Variants in AKAP12 observed in about 807,000 individuals in gnomAD.
The protein encoded by AKAP12 is A-kinase anchor protein 12.
A neutral mutation model predicts 79.9 loss-of-function variants in AKAP12; 32 were observed. The ratio of observed to expected loss-of-function variants is 0.40; its 90% CI spans 0.30 to 0.54. The LOEUF is 0.54. AKAP12 is among the 20% of genes least tolerant of loss of function. The pLI, the probability that AKAP12 is intolerant of heterozygous loss-of-function variation, is 0.48. For missense variants in AKAP12, 2,074 were observed against 2,177.0 expected, an observed-to-expected ratio of 0.95 and a Z score of 0.94; for synonymous variants, 808 against 857.0, an observed-to-expected ratio of 0.94 and a Z score of 1.00.
At position 151,352,792 on chromosome 6, in the gene AKAP12, T is replaced by C. The variant is rs774654370; in HGVS notation, c.4401T>C (p.His1467=). 6.2e-7 allele frequency: 1 copy of C among 1,614,160 alleles called. No individual in the cohort carries two copies. Among genetic ancestry groups the C allele is most frequent in the Non-Finnish European group, 8.5e-7 (1 of 1,180,034 alleles). Residue 1467 remains histidine (H), a synonymous_variant, in exon 4 of 5, where the codon CAT becomes CAC. Transcript: ENST00000402676. ...AAAAAAATGAAGACTTTGCCGCTCA[T>C]CCAGGGGAAGATGCTGTGCCCACAG... ...SSEKNEDFAA[H]PGEDAVPTGP...
chr6:151,316,932 C>T (rs534096304), intron 3 of AKAP12, among the ~76,000 whole-genome samples: 1 of 152,322 alleles, frequency 6.6e-6, no homozygotes, highest in Non-Finnish European at 1.5e-5. Flanking sequence ...GCCACCACAC[C>T]CGGCCAGGAC....
intron 3 of AKAP12, among the ~76,000 whole-genome samples, chr6:151,345,921 G>T (rs1010782208): frequency 7.2e-6 from 1 of 139,516 alleles, no homozygotes; most frequent in African/African-American, 2.8e-5. Context: ...GTGTGTGTGT[G>T]TGTGTGTGTG....
intron 2 of AKAP12, among the ~76,000 whole-genome samples, chr6:151,259,511 TACACAC>T (rs373506742): frequency 3.4e-4 from 34 of 101,124 alleles, no homozygotes; most frequent in East Asian, 7.7e-4. Flanking sequence ...TATATATATA[TACACAC>T]ACACACACAC....
intron 2 of AKAP12, among the ~76,000 whole-genome samples, chr6:151,264,752 T>TCATAAATA: frequency 6.6e-6 from 1 of 152,174 alleles, no homozygotes; most frequent in Non-Finnish European, 1.5e-5. Flanking sequence ...AATATATCTG[T>TCATAAATA]AATGTTTTTG....
At chr6:151,267,379 A>T (rs7773463) in intron 2 of AKAP12, among the ~76,000 whole-genome samples, 44,903 of 152,040 alleles carry the variant, frequency 0.3, 7,168 homozygotes, top group East Asian at 0.44. Context: ...TACTTAATTG[A>T]CATAGTCACA....
At chr6:151,324,735 A>G (rs780529192) in intron 3 of AKAP12, 4 of 985,386 alleles carry the variant, frequency 4.1e-6, no homozygotes, top group Non-Finnish European at 4.8e-6. Context: ...GACCTAACGG[A>G]CCCACCCTAA....
At chr6:151,253,419 G>C (rs1055427904) in intron 2 of AKAP12, among the ~76,000 whole-genome samples, 1 of 152,106 alleles carries the variant, frequency 6.6e-6, no homozygotes, top group Admixed American at 6.6e-5. Context: ...AAAAGAGACA[G>C]GTCTTGCTGT....
At chr6:151,337,050 G>T (rs1441449384) in intron 3 of AKAP12, among the ~76,000 whole-genome samples, 1 of 152,030 alleles carries the variant, frequency 6.6e-6, no homozygotes, top group Non-Finnish European at 1.5e-5. Context: ...TGTTTAATAC[G>T]TAGATAAAAT....
intron 3 of AKAP12, among the ~76,000 whole-genome samples, chr6:151,339,290 C>G (rs1435542094): frequency 6.6e-6 from 1 of 152,184 alleles, no homozygotes; most frequent in East Asian, 1.9e-4. Flanking sequence ...ACTTTTCTTT[C>G]AAAAAGACAA....
At chr6:151,296,874 A>G (rs935448752) in intron 2 of AKAP12, among the ~76,000 whole-genome samples, 25 of 152,186 alleles carry the variant, frequency 1.6e-4, no homozygotes, top group Admixed American at 1.6e-3. Context: ...AATTAGGGCT[A>G]TTGTTCATCT....
Position 151,348,885 on chromosome 6 carries a change from C to A in AKAP12, c.494C>A (p.Ser165Tyr), listed in dbSNP as rs1032882144. 3 of 1,613,968 alleles carry A rather than the reference C, an allele frequency of 1.9e-6. No homozygotes were observed. Among genetic ancestry groups the A allele is most frequent in the Non-Finnish European group, 2.5e-6 (3 of 1,180,036 alleles). The change falls in exon 4 of 5, where the codon TCC becomes TAC. Residue 165 changes from serine (S) to tyrosine (Y), a missense_variant. By Grantham distance (144) the Ser-to-Tyr change is moderately radical. This residue lies in a region of AKAP12 where 1,428 missense variants were observed against 1,451.0 expected (regional missense o/e 0.98). Coordinates refer to ENST00000402676, the MANE Select transcript of AKAP12 (RefSeq NM_005100.4). The stretch of plus-strand genomic sequence containing the variant: ...GAAGAGCTAACACAACCCACTGAGT[C>A]CCAGGCTAATGATATTGGATTTAAG... ...NLEELTQPTE[S>Y]QANDIGFKKV... is the part of the protein sequence containing the mutation.
intron 3 of AKAP12, among the ~76,000 whole-genome samples, chr6:151,308,748 A>G (rs1359108389): frequency 6.6e-6 from 1 of 151,418 alleles, no homozygotes; most frequent in African/African-American, 2.4e-5. Context: ...TTCTTTCTCT[A>G]TTTTTTTCTG....
At chr6:151,315,292 CAG>C (rs1675598306) in intron 3 of AKAP12, among the ~76,000 whole-genome samples, 1 of 152,196 alleles carries the variant, frequency 6.6e-6, no homozygotes. Flanking sequence ...CCAACAGAAT[CAG>C]AGTCTTGTGA....
Position 151,356,501 on chromosome 6 carries a change from A to C in AKAP12, c.*787A>C, listed in dbSNP as rs1196581045. On this transcript the variant is annotated 3_prime_UTR_variant, in exon 5 of 5. Transcript: ENST00000402676. The stretch of plus-strand genomic sequence containing the variant: ...CTACTTGTTATGGTTGTTTGGACCG[A>C]TAAGTGTGCTTAATCCTGAGGCAAA... The C allele has an allele frequency of 6.6e-6, 1 of 152,230 alleles. No individual in the cohort carries two copies. The highest frequency in any genetic ancestry group is 2.4e-5 in the African/African-American group (1 of 41,456). The allele number at this position is 152,230 out of a possible 1,614,324, so 9.4% of individuals were successfully genotyped here.
At chr6:151,279,838 C>T (rs1776362719) in intron 2 of AKAP12, among the ~76,000 whole-genome samples, 1 of 151,768 alleles carries the variant, frequency 6.6e-6, no homozygotes, top group African/African-American at 2.4e-5. Context: ...TGGAGTGAGA[C>T]CTGGTCTCTT....
chr6:151,270,584 T>C (rs1008001559), intron 2 of AKAP12, among the ~76,000 whole-genome samples: 1 of 152,224 alleles, frequency 6.6e-6, no homozygotes, highest in African/African-American at 2.4e-5. Context: ...AACCCTTTGT[T>C]TAACCTCTTG....
chr6:151,299,906 G>A lies in AKAP12; in HGVS notation c.163-5841G>A, dbSNP rs573878581. On this transcript the variant is annotated intron_variant, in intron 2 of 4. Transcript: ENST00000402676. ...AGCCTCCCAAAGTGCTGGAATTATAGGCATGAGGCACCACGCCCAACCCTA... is the reference window on the plus strand; with the variant it reads ...AGCCTCCCAAAGTGCTGGAATTATAAGCATGAGGCACCACGCCCAACCCTA... Among the ~76,000 whole-genome samples, 5 of 152,228 alleles carry A rather than the reference G, an allele frequency of 3.3e-5. No homozygotes were observed. In the East Asian group the frequency reaches 5.8e-4, roughly 18 times the overall value.
chr6:151,259,190 G>C (rs369077566), intron 2 of AKAP12, among the ~76,000 whole-genome samples: 72 of 150,850 alleles, frequency 4.8e-4, no homozygotes, highest in Non-Finnish European at 8.9e-4. Flanking sequence ...GATTACAGGC[G>C]CCTGCCACCA....
At chr6:151,338,377 G>A (rs969826384) in intron 3 of AKAP12, among the ~76,000 whole-genome samples, 3 of 151,726 alleles carry the variant, frequency 2.0e-5, no homozygotes, top group Admixed American at 1.3e-4. Context: ...TATGTTCAAA[G>A]TATAAGTTCC....
Sources: allele counts gnomAD v4.1 joint callset (sites outside exome capture counted in the v4.1 genomes callset), GRCh38; gene constraint gnomAD v4.1.1; regional missense constraint gnomAD v4.1.1; transcripts MANE v1.5; gene names NCBI Gene and HGNC (gene_info 2026-07-23, HGNC 2026-07-21).